The following DROSHA variants were observed in gnomAD, a reference collection of about 807,000 sequenced individuals.
DROSHA encodes ribonuclease 3.
In DROSHA, 56 loss-of-function variants were observed where a neutral mutation model predicts 181.9. The observed-to-expected ratio is 0.31, with a 90% CI of 0.25 to 0.38. The LOEUF (loss-of-function observed/expected upper bound fraction) is 0.38. Among genes scored for constraint, DROSHA ranks in the 10% least tolerant of loss-of-function variants. DROSHA has a pLI of 1.00. For synonymous variants in DROSHA, 524 were observed against 591.2 expected, an observed-to-expected ratio of 0.89 and a Z score of 1.65; for missense variants, 1,218 against 1,743.5, an observed-to-expected ratio of 0.70 and a Z score of 5.37.
rs1340899177 is a variant in DROSHA, at chr5:31,526,350, T to C, written c.583A>G (p.Ser195Gly). Residue 195 changes from serine (S) to glycine (G), a missense_variant, in exon 5 of 36, where the codon AGT (serine) becomes GGT (glycine). Around this residue, in one of 8 missense-constraint regions of DROSHA, gnomAD observed 536 missense variants for 535.4 expected, o/e 1.00. Coordinates refer to ENST00000344624, the MANE Select transcript of DROSHA (RefSeq NM_001382508.1). ...FQNNPSSFLP[S>G]ANNSSSPHFR... ...TGAGGACTACTGCTGTTATTAGCACTGGGCAGGAAAGAACTAGGGTTGTTC... is the reference window on the plus strand; with the variant it reads ...TGAGGACTACTGCTGTTATTAGCACCGGGCAGGAAAGAACTAGGGTTGTTC... The C allele has an allele frequency of 2.5e-6, 4 of 1,613,592 alleles. No individual in the cohort carries two copies. The highest frequency in any genetic ancestry group is 3.3e-5 in the Admixed American group (2 of 59,976).
rs1751784512 is a variant in DROSHA at position 31,486,557 on chromosome 5, T to C, written c.1848A>G (p.Pro616=). ...MFAHAPLTNI[P]LCKVIRFNID... The stretch of plus-strand genomic sequence containing the variant: ...TGTTGAATCTAATTACTTTACACAG[T>C]GGAATCTGCAATAAAAAGAAGTGAG... Residue 616 remains proline, a synonymous_variant, in exon 14 of 36, where the codon CCA becomes CCG. Transcript: ENST00000344624. 1 of 1,613,226 alleles carries C rather than the reference T, an allele frequency of 6.2e-7. No individual in the cohort carries two copies. Among genetic ancestry groups the C allele is most frequent in the Non-Finnish European group, 8.5e-7 (1 of 1,179,636 alleles).
Position 31,401,659 on chromosome 5 carries a change from G to A in DROSHA, c.3995-97C>T, listed in dbSNP as rs1019271312. The A allele has an allele frequency of 4.5e-5, 34 of 762,646 alleles. 1 individual carries two copies. Among genetic ancestry groups the A allele is most frequent in the Middle Eastern group, 4.8e-4 (1 of 2,090 alleles). The allele number at this position is 762,646 out of a possible 1,614,324, so 47.2% of individuals were successfully genotyped here. A position where few individuals can be genotyped will look rare whatever the true frequency, so the allele number is the denominator to read the frequency against. ...TAAACATATACACATACAAATATAC[G>A]TGCATATGAAATGTGTATAATTGTA... On this transcript the variant is annotated intron_variant, in intron 35 of 35. Transcript: ENST00000344624.
chr5:31,444,879 C>T (rs1295070900), intron 23 of DROSHA, among the ~76,000 whole-genome samples: 1 of 152,164 alleles, frequency 6.6e-6, no homozygotes, highest in Non-Finnish European at 1.5e-5. Flanking sequence ...CTTTTTACCT[C>T]TTGATTGAAG....
At chr5:31,511,542 T>C (rs1032423714) in intron 8 of DROSHA, among the ~76,000 whole-genome samples, 1 of 151,748 alleles carries the variant, frequency 6.6e-6, no homozygotes, top group Non-Finnish European at 1.5e-5. Context: ...CCCACCTCTA[T>C]GAAAAAGAAA....
chr5:31,484,719 T>C (rs945505634), intron 15 of DROSHA, among the ~76,000 whole-genome samples, 162 bp downstream of exon 15: 1 of 152,216 alleles, frequency 6.6e-6, no homozygotes, highest in Non-Finnish European at 1.5e-5. Flanking sequence ...AACTTATTCA[T>C]GTCAAATGAT....
chr5:31,437,954 C>T (rs1745095950), intron 23 of DROSHA, among the ~76,000 whole-genome samples: 1 of 152,176 alleles, frequency 6.6e-6, no homozygotes, highest in Non-Finnish European at 1.5e-5. Flanking sequence ...ACTCACCCCT[C>T]AAGGCCTAGC....
At chr5:31,445,355 A>T (rs1450081094) in intron 23 of DROSHA, among the ~76,000 whole-genome samples, 1 of 152,190 alleles carries the variant, frequency 6.6e-6, no homozygotes, top group Non-Finnish European at 1.5e-5. Context: ...AGGCCTCAAG[A>T]CCACACATAA....
chr5:31,423,059 G>T, intron 28 of DROSHA, 115 bp from the exon 29 acceptor site: 1 of 1,002,994 alleles, frequency 1.0e-6, no homozygotes, highest in Non-Finnish European at 1.4e-6. Context: ...AGAAATTTCT[G>T]AAATGCCAAT....
rs1354342796 is a variant in DROSHA, at chr5:31,429,477, G to A, written c.3214C>T (p.Pro1072Ser). 1 of 1,609,748 alleles carries A rather than the reference G, an allele frequency of 6.2e-7. No individual in the cohort carries two copies. The highest frequency in any genetic ancestry group is 2.2e-5 in the East Asian group (1 of 44,760). The change falls in exon 27 of 36, where the codon CCG becomes TCG. Residue 1072 changes from proline to serine, a missense_variant and splice_region_variant. This residue lies in a region of DROSHA where 71 missense variants were observed against 95.2 expected (regional missense o/e 0.75). Coordinates refer to ENST00000344624, the MANE Select transcript of DROSHA (RefSeq NM_001382508.1). The stretch of plus-strand genomic sequence containing the variant: ...ATCAAATGATTCCATAGAAATACCG[G>A]ATCATTAAAGAGCAAGCGTCCAAAT... The part of the protein sequence containing the change: ...QLFGRLLFND[P>S]DLREVWLNYP...
At chr5:31,435,899 G>A (rs1299969709) in intron 24 of DROSHA, 35 bp from the exon 25 acceptor site, 7 of 1,586,384 alleles carry the variant, frequency 4.4e-6, no homozygotes, top group Non-Finnish European at 6.0e-6. Context: ...GAATAAATAT[G>A]CATCACGACA....
chr5:31,412,927 G>A (rs539395991), intron 30 of DROSHA, among the ~76,000 whole-genome samples: 2 of 152,268 alleles, frequency 1.3e-5, no homozygotes, highest in South Asian at 4.1e-4. Flanking sequence ...GGCTACTATG[G>A]GAACAAGGCT....
intron 29 of DROSHA, among the ~76,000 whole-genome samples, chr5:31,422,054 T>A (rs1387913949): frequency 6.9e-6 from 1 of 144,560 alleles, no homozygotes; most frequent in Non-Finnish European, 1.5e-5. Flanking sequence ...ATCATGCCAC[T>A]GCATTCCAGC....
intron 23 of DROSHA, among the ~76,000 whole-genome samples, chr5:31,439,676 G>T (rs749542439): frequency 1.3e-5 from 2 of 152,078 alleles, no homozygotes; most frequent in African/African-American, 2.4e-5. Context: ...GTACATAAAG[G>T]GTTATGTACT....
chr5:31,517,257 T>C (rs1027566399), intron 6 of DROSHA, among the ~76,000 whole-genome samples: 8 of 152,236 alleles, frequency 5.3e-5, no homozygotes, highest in African/African-American at 7.2e-5. Flanking sequence ...CTCTGTCATA[T>C]GCATTGTAAC....
At chr5:31,525,574 C>T (rs1014725810) in intron 5 of DROSHA, among the ~76,000 whole-genome samples, 3 of 149,914 alleles carry the variant, frequency 2.0e-5, no homozygotes, top group Admixed American at 1.3e-4. Flanking sequence ...AATCTTACTT[C>T]GTTTTACAAA....
In DROSHA at chr5:31,473,980, T is replaced by G. The variant is rs910767801; in HGVS notation, c.2072-1748A>C. ...CACCATATGTGCCATGCACTGTGAGTGGTCCCATGTCAGTATCACTAGGGA... is the reference window on the plus strand; with the variant it reads ...CACCATATGTGCCATGCACTGTGAGGGGTCCCATGTCAGTATCACTAGGGA... On this transcript the variant is annotated intron_variant, in intron 16 of 35. Coordinates refer to ENST00000344624, the MANE Select transcript of DROSHA (RefSeq NM_001382508.1). 2.6e-5 allele frequency among the ~76,000 whole-genome samples: 4 copies of G among 152,284 alleles called. 1 individual carries two copies. The highest frequency in any genetic ancestry group is 2.6e-4 in the Admixed American group (4 of 15,294).
chr5:31,424,462 C>T lies in DROSHA; in HGVS notation c.3226G>A (p.Glu1076Lys), dbSNP rs773151368. Residue 1076 changes from glutamate (E) to lysine (K), a missense_variant, in exon 28 of 36, where the codon GAA (glutamate) becomes AAA (lysine). Around this residue, in one of 8 missense-constraint regions of DROSHA, gnomAD observed 71 missense variants for 95.2 expected, o/e 0.75. Coordinates refer to ENST00000344624, the MANE Select transcript of DROSHA (RefSeq NM_001382508.1). The stretch of plus-strand genomic sequence containing the variant: ...TGGAGAGGATAATTGAGCCAGACTT[C>T]GCGCAGGTCCTGGAAAATGGAGTGA... Reference protein sequence around the residue: ...RLLFNDPDLREVWLNYPLHPL... With the variant: ...RLLFNDPDLRKVWLNYPLHPL... 5.6e-6 allele frequency: 9 copies of T among 1,594,934 alleles called. No individual in the cohort carries two copies. In the South Asian group the frequency reaches 8.0e-5, roughly 14 times the overall value.
At chr5:31,439,747 G>GA (rs1187860247) in intron 23 of DROSHA, among the ~76,000 whole-genome samples, 1 of 152,086 alleles carries the variant, frequency 6.6e-6, no homozygotes, top group African/African-American at 2.4e-5. Context: ...GACTAAATAT[G>GA]AAAAGAACCT....
intron 28 of DROSHA, 74 bp from the exon 29 acceptor site, chr5:31,423,018 A>T: frequency 2.3e-6 from 3 of 1,289,490 alleles, no homozygotes; most frequent in Non-Finnish European, 3.0e-6. Flanking sequence ...ATTCTAGGAC[A>T]GTGTTTTGTA....
Sources: gnomAD v4.1 joint callset for allele counts (sites outside exome capture counted in the v4.1 genomes callset) on GRCh38, gnomAD v4.1.1 for gene constraint, gnomAD v4.1.1 regional missense constraint, MANE v1.5 for transcripts, NCBI Gene and HGNC (gene_info 2026-07-23, HGNC 2026-07-21) for gene names.